Variants in MYT1L observed in about 807,000 individuals in gnomAD.
MYT1L encodes the protein myelin transcription factor 1-like protein.
A neutral mutation model predicts 126.7 loss-of-function variants in MYT1L; 12 were observed. The ratio of observed to expected loss-of-function variants is 0.09; its 90% CI spans 0.06 to 0.15. The LOEUF (loss-of-function observed/expected upper bound fraction) is 0.15, where lower values mean the gene tolerates loss of function less well. Ranked by LOEUF, MYT1L falls within the 10% of genes least tolerant of loss-of-function variation. MYT1L has a pLI of 1.00. For missense variants in MYT1L, 979 were observed against 1,585.2 expected (o/e 0.62, Z 6.49); for synonymous variants, 541 against 604.2 (o/e 0.90, Z 1.53).
At chr2:2,165,881 AT>A (rs1447989880) in intron 3 of MYT1L, among the ~76,000 whole-genome samples, 2 of 151,224 alleles carry the variant, frequency 1.3e-5, no homozygotes, top group African/African-American at 4.9e-5. Context: ...AAATAATAAA[AT>A]CTTTTATTTT....
Position 1,893,032 on chromosome 2 carries a change from C to T in MYT1L, c.2033-745G>A, listed in dbSNP as rs770202036. On this transcript the variant is annotated intron_variant, in intron 14 of 24. Coordinates refer to ENST00000647738, the MANE Select transcript of MYT1L (RefSeq NM_001303052.2). ...TTGGTGGTGGCAGACACGCGGGGCA[C>T]GTGTGCAGCTGCCTCTTTCATAGCC... 8.9e-4 allele frequency among the ~76,000 whole-genome samples: 136 copies of T among 152,274 alleles called. 1 individual carries two copies. The highest frequency in any genetic ancestry group is 1.5e-3 in the Non-Finnish European group (105 of 68,024).
intron 18 of MYT1L, among the ~76,000 whole-genome samples, chr2:1,881,187 C>T (rs1429754511): frequency 6.6e-6 from 1 of 152,154 alleles, no homozygotes; most frequent in African/African-American, 2.4e-5. Context: ...GGGACCCTCC[C>T]CACTTGTAGC....
intron 2 of MYT1L, among the ~76,000 whole-genome samples, chr2:2,277,704 G>T (rs1251374877): frequency 1.3e-5 from 2 of 152,062 alleles, no homozygotes; most frequent in Non-Finnish European, 2.9e-5. Flanking sequence ...TGCCCTTCAG[G>T]TGTTATGTAA....
chr2:1,995,897 G>T (rs2061797530), intron 5 of MYT1L, among the ~76,000 whole-genome samples: 1 of 152,194 alleles, frequency 6.6e-6, no homozygotes, highest in Non-Finnish European at 1.5e-5. Context: ...AGCTACAAGA[G>T]AGAGGAAGGA....
intron 14 of MYT1L, among the ~76,000 whole-genome samples, chr2:1,894,083 T>C (rs1243037926): frequency 6.6e-6 from 1 of 152,198 alleles, no homozygotes; most frequent in African/African-American, 2.4e-5. Context: ...TGAAATACAA[T>C]AGTAATCTGT....
intron 3 of MYT1L, among the ~76,000 whole-genome samples, chr2:2,066,597 G>A (rs958518322): frequency 6.6e-6 from 1 of 152,182 alleles, no homozygotes; most frequent in African/African-American, 2.4e-5. Context: ...AGAGGCTATG[G>A]GGGCAATGCC....
At chr2:2,145,891 T>C (rs1038327265) in intron 3 of MYT1L, among the ~76,000 whole-genome samples, 6 of 152,208 alleles carry the variant, frequency 3.9e-5, no homozygotes, top group Non-Finnish European at 8.8e-5. Context: ...TATAAAATGA[T>C]TGTTTCAAAA....
intron 9 of MYT1L, among the ~76,000 whole-genome samples, chr2:1,938,210 A>G (rs747966646): frequency 5.3e-5 from 8 of 152,252 alleles, no homozygotes; most frequent in Non-Finnish European, 8.8e-5. Context: ...ATGTGTGTGT[A>G]TACATTGATT....
At chr2:1,919,889 C>T (rs1198542550) in intron 10 of MYT1L, among the ~76,000 whole-genome samples, 6 of 152,088 alleles carry the variant, frequency 3.9e-5, no homozygotes, top group South Asian at 2.1e-4. Flanking sequence ...CCACCACGCC[C>T]GGCTGACTTT....
intron 22 of MYT1L, among the ~76,000 whole-genome samples, chr2:1,807,445 A>G (rs2035894723): frequency 6.6e-6 from 1 of 152,058 alleles, no homozygotes; most frequent in Non-Finnish European, 1.5e-5. Flanking sequence ...CCTTTGGTAA[A>G]GGTACAGCAG....
chr2:2,231,901 T>C (rs1034281024), intron 2 of MYT1L, among the ~76,000 whole-genome samples: 7 of 152,210 alleles, frequency 4.6e-5, no homozygotes, highest in African/African-American at 1.4e-4. Flanking sequence ...GATTCTGGTT[T>C]GGTTTGATCT....
At chr2:1,932,515 A>G (rs1192654823) in intron 9 of MYT1L, among the ~76,000 whole-genome samples, 2 of 152,360 alleles carry the variant, frequency 1.3e-5, no homozygotes, top group East Asian at 3.9e-4. Context: ...CCAAAGAAAC[A>G]GAATCCTTGT....
At chr2:2,069,438 A>AT (rs539776693) in intron 3 of MYT1L, among the ~76,000 whole-genome samples, 142 of 152,262 alleles carry the variant, frequency 9.3e-4, no homozygotes, top group African/African-American at 3.3e-3. Context: ...TTCATGGTGT[A>AT]TATGTGCCAC....
At chr2:1,859,951 T>C (rs1185897529) in intron 18 of MYT1L, among the ~76,000 whole-genome samples, 2 of 152,212 alleles carry the variant, frequency 1.3e-5, no homozygotes, top group Non-Finnish European at 2.9e-5. Context: ...GGTTTGGCTG[T>C]TTGGGGAGCA....
At chr2:1,877,050 T>C (rs1187652064) in intron 18 of MYT1L, among the ~76,000 whole-genome samples, 1 of 152,138 alleles carries the variant, frequency 6.6e-6, no homozygotes, top group African/African-American at 2.4e-5. Context: ...GGATAAATTA[T>C]AACCCTGCAG....
At position 1,790,963 on chromosome 2, in the gene MYT1L, ACT is replaced by A. The variant is rs1244566770; in HGVS notation, c.*902_*903del. On this transcript the variant is annotated 3_prime_UTR_variant, in exon 25 of 25. Transcript: ENST00000647738. ...AACAGACAGTTCAGAGGGGCACGAA[ACT>A]CTAGGGGAGATACGAGAAGGTTGTT... The A allele has an allele frequency of 2.7e-5, 7 of 257,572 alleles. No individual in the cohort carries two copies. The highest frequency in any genetic ancestry group is 5.4e-5 in the Non-Finnish European group (7 of 128,694). 16.0% of individuals were successfully genotyped at this position (257,572 alleles called of 1,614,324 possible). A position where few individuals can be genotyped will look rare whatever the true frequency, so the allele number is the denominator to read the frequency against.
rs553521895 is a variant in MYT1L at position 1,929,401 on chromosome 2, CAGTTCAACGCAG to C, written c.506-6150_506-6139del. Among the ~76,000 whole-genome samples the C allele has an allele frequency of 1.6e-4, 24 of 152,328 alleles. No individual in the cohort carries two copies. The South Asian group carries it at 4.8e-3, about 30-fold the overall frequency. ...AGGCGCCCTCTAACTCAGAGCCCTG[CAGTTCAACGCAG>C]GTGAAAGGGGAACATGGAGGGTGAC... On this transcript the variant is annotated intron_variant, in intron 9 of 24. Transcript: ENST00000647738. The surrounding 1 kb of genome is among the most constrained non-coding windows in gnomAD (Gnocchi z 4.7).
intron 18 of MYT1L, among the ~76,000 whole-genome samples, chr2:1,867,801 C>G (rs988139420): frequency 1.3e-5 from 2 of 152,160 alleles, no homozygotes; most frequent in Non-Finnish European, 2.9e-5. Context: ...TCACACATTA[C>G]CTTCATTACA....
Position 1,943,467 on chromosome 2 carries a change from AC to A in MYT1L, c.153-134del. The A allele has an allele frequency of 9.5e-7, 1 of 1,048,734 alleles. No individual in the cohort carries two copies. The highest frequency in any genetic ancestry group is 1.3e-6 in the Non-Finnish European group (1 of 753,274). 65.0% of individuals were successfully genotyped at this position (1,048,734 alleles called of 1,614,324 possible). A position where few individuals can be genotyped will look rare whatever the true frequency, so the allele number is the denominator to read the frequency against. ...TATCATGAATGTCATCAGCACAAACACCAGAGAGACATAACATACATGTTCC... is the reference window on the plus strand; with the variant it reads ...TATCATGAATGTCATCAGCACAAACACAGAGAGACATAACATACATGTTCC... On this transcript the variant is annotated intron_variant, in intron 8 of 24. Transcript: ENST00000647738. This position sits in a 1 kb window ranked among gnomAD's most constrained non-coding sequence, Gnocchi z 4.4.
Sources: allele counts gnomAD v4.1 joint callset (sites outside exome capture counted in the v4.1 genomes callset), GRCh38; gene constraint gnomAD v4.1.1; non-coding constraint Gnocchi (gnomAD v3.1); transcripts MANE v1.5; gene names NCBI Gene and HGNC (gene_info 2026-07-23, HGNC 2026-07-21).